The following FANCL variants were observed in gnomAD, a reference collection of about 807,000 sequenced individuals.
FANCL encodes the protein FA complementation group L.
Under a neutral mutation model 59.4 loss-of-function variants are expected in FANCL, and 69 were observed. That is an observed-to-expected ratio of 1.16 (90% CI 0.96 to 1.42). FANCL has a LOEUF of 1.42. Ranked by LOEUF, FANCL falls within the 40% of genes most tolerant of loss-of-function variation. The pLI, the probability that FANCL is intolerant of heterozygous loss-of-function variation, is 0.00. For missense variants in FANCL, 519 were observed against 447.2 expected, an observed-to-expected ratio of 1.16 and a Z score of -1.45; for synonymous variants, 180 against 147.1, an observed-to-expected ratio of 1.22 and a Z score of -1.62.
At chr2:58,236,700 A>G (rs1026923337) in intron 1 of FANCL, among the ~76,000 whole-genome samples, 2 of 152,060 alleles carry the variant, frequency 1.3e-5, no homozygotes, top group Non-Finnish European at 2.9e-5. Context: ...CATATTGCAT[A>G]ACAAAGCAAA....
intron 5 of FANCL, among the ~76,000 whole-genome samples, chr2:58,206,630 G>A (rs1466359554): frequency 6.6e-6 from 1 of 152,076 alleles, no homozygotes; most frequent in African/African-American, 2.4e-5. Context: ...TTCTTTGTTT[G>A]TAATCACATA....
chr2:58,222,100 T>C (rs1573778474), intron 4 of FANCL, 58 bp from the exon 5 acceptor site: 2 of 1,177,412 alleles, frequency 1.7e-6, no homozygotes, highest in East Asian at 2.4e-5. Context: ...GAACTGTTAA[T>C]ACCTGATTGC....
chr2:58,191,035 T>C (rs1272046014), intron 7 of FANCL, among the ~76,000 whole-genome samples: 1 of 151,746 alleles, frequency 6.6e-6, no homozygotes, highest in African/African-American at 2.4e-5. Flanking sequence ...GGCATGTTTT[T>C]CAGAAATGAA....
rs566221051 is a variant in FANCL at position 58,192,137 on chromosome 2, A to C, written c.540+6457T>G. 4.6e-5 allele frequency among the ~76,000 whole-genome samples: 7 copies of C among 152,056 alleles called. No individual in the cohort carries two copies. In the South Asian group the frequency reaches 1.2e-3, roughly 27 times the overall value. On this transcript the variant is annotated intron_variant, in intron 7 of 13. Transcript: ENST00000233741. ...CCAATGAAGGCATTTGATTAAAAAAACCTGTTCCATGCAACTAGTTTCTTT... is the reference window on the plus strand; with the variant it reads ...CCAATGAAGGCATTTGATTAAAAAACCCTGTTCCATGCAACTAGTTTCTTT...
intron 7 of FANCL, among the ~76,000 whole-genome samples, chr2:58,183,778 C>T (rs115968355): frequency 1.3e-5 from 2 of 151,668 alleles, no homozygotes; most frequent in South Asian, 2.1e-4. Context: ...CACAGTATAG[C>T]AAAAAAATAC....
intron 5 of FANCL, among the ~76,000 whole-genome samples, chr2:58,217,082 C>T (rs1442431589): frequency 1.4e-5 from 2 of 141,828 alleles, no homozygotes; most frequent in South Asian, 2.3e-4. Flanking sequence ...ATCCAGAATA[C>T]AGGACTTTGA....
chr2:58,237,021 T>G (rs1469551504), intron 1 of FANCL, among the ~76,000 whole-genome samples: 2 of 152,078 alleles, frequency 1.3e-5, no homozygotes, highest in Non-Finnish European at 2.9e-5. Flanking sequence ...GTTGGAGATT[T>G]CAACACCCCC....
intron 7 of FANCL, among the ~76,000 whole-genome samples, chr2:58,192,898 C>A (rs1689074361): frequency 6.6e-6 from 1 of 151,838 alleles, no homozygotes; most frequent in African/African-American, 2.4e-5. Context: ...AACTTAACTT[C>A]TGAAGCTATG....
At chr2:58,195,618 T>C (rs754478291) in intron 7 of FANCL, among the ~76,000 whole-genome samples, 3 of 152,064 alleles carry the variant, frequency 2.0e-5, no homozygotes, top group East Asian at 3.9e-4. Flanking sequence ...TATACAAAGT[T>C]AAAAGACATG....
chr2:58,226,849 A>T, intron 3 of FANCL, 65 bp from the exon 4 acceptor site: 2 of 1,372,830 alleles, frequency 1.5e-6, no homozygotes, highest in Non-Finnish European at 2.1e-6. Context: ...TAAAACTGTA[A>T]AAAAATGTAG....
chr2:58,172,103 G>C (rs911468318), intron 7 of FANCL, among the ~76,000 whole-genome samples: 2 of 152,218 alleles, frequency 1.3e-5, no homozygotes, highest in Non-Finnish European at 2.9e-5. Flanking sequence ...CGGGAAGCTC[G>C]AACTGGGTGG....
chr2:58,175,285 G>A (rs12713376), intron 7 of FANCL, among the ~76,000 whole-genome samples: 20,101 of 148,006 alleles, frequency 0.14, 1,678 homozygotes, highest in African/African-American at 0.23. Context: ...CTCATTTTAT[G>A]AGGCCAGCAT....
intron 5 of FANCL, among the ~76,000 whole-genome samples, chr2:58,209,724 G>A (rs1690941261): frequency 6.6e-6 from 1 of 152,152 alleles, no homozygotes; most frequent in Middle Eastern, 3.4e-3. Flanking sequence ...GAAAAAATGT[G>A]ACTTAAAGAG....
Position 58,198,601 on chromosome 2 carries a change from G to A in FANCL, c.533C>T (p.Thr178Ile). The change falls in exon 7 of 14, where the codon ACA becomes ATA. Residue 178 changes from threonine to isoleucine, a missense_variant. Physicochemically the swap from Thr to Ile is moderately conservative, Grantham distance 89 (BLOSUM62 -1). Coordinates refer to ENST00000233741, the MANE Select transcript of FANCL (RefSeq NM_018062.4). ...DFPVPFCASWTPQSSLISIYS... is the reference protein window; with the variant it reads ...DFPVPFCASWIPQSSLISIYS... Reference sequence around the variant, plus strand: ...TACCTGAGGAGAATTTACCTGAGGTGTCCAGGAGGCACAAAATGGAACAGG... The same window carrying A: ...TACCTGAGGAGAATTTACCTGAGGTATCCAGGAGGCACAAAATGGAACAGG... 1 of 1,613,188 alleles carries A rather than the reference G, an allele frequency of 6.2e-7. No homozygotes were observed. Among genetic ancestry groups the A allele is most frequent in the Non-Finnish European group, 8.5e-7 (1 of 1,179,248 alleles).
chr2:58,164,447 G>T (rs1289078888), intron 8 of FANCL, among the ~76,000 whole-genome samples: 1 of 151,926 alleles, frequency 6.6e-6, no homozygotes, highest in African/African-American at 2.4e-5. Flanking sequence ...TATTTACTAT[G>T]AACAGAAATT....
chr2:58,201,197 T>A (rs1689980577), intron 6 of FANCL, among the ~76,000 whole-genome samples: 1 of 151,524 alleles, frequency 6.6e-6, no homozygotes, highest in South Asian at 2.1e-4. Context: ...GTTGTATAGG[T>A]ATATATAAAA....
chr2:58,180,272 T>C (rs964598887), intron 7 of FANCL, among the ~76,000 whole-genome samples: 1 of 152,088 alleles, frequency 6.6e-6, no homozygotes, highest in Non-Finnish European at 1.5e-5. Context: ...CATGCATACA[T>C]ATGTTTATTC....
chr2:58,215,188 T>C (rs1182730308), intron 5 of FANCL, among the ~76,000 whole-genome samples: 1 of 152,234 alleles, frequency 6.6e-6, no homozygotes, highest in African/African-American at 2.4e-5. Context: ...ATGACATCAA[T>C]GCCTCAAAAC....
intron 7 of FANCL, among the ~76,000 whole-genome samples, chr2:58,195,328 A>AT (rs1553446536): frequency 2.0e-5 from 3 of 152,188 alleles, no homozygotes; most frequent in Non-Finnish European, 4.4e-5. Flanking sequence ...GGTAAATGAT[A>AT]TATTTTTTAA....
Sources: allele counts gnomAD v4.1 joint callset (sites outside exome capture counted in the v4.1 genomes callset), GRCh38; gene constraint gnomAD v4.1.1; transcripts MANE v1.5; gene names NCBI Gene and HGNC (gene_info 2026-07-23, HGNC 2026-07-21).